The following KIAA2012 variants were observed in gnomAD, a reference collection of about 807,000 sequenced individuals.
The protein encoded by KIAA2012 is uncharacterized protein KIAA2012.
A neutral mutation model predicts 150.6 loss-of-function variants in KIAA2012; 125 were observed. That is an observed-to-expected ratio of 0.83 (90% CI 0.72 to 0.96). KIAA2012 has a LOEUF of 0.96. KIAA2012 is among the 40% of genes least tolerant of loss of function. The probability of loss-of-function intolerance (pLI) is 0.00; values close to 1 mark genes in which losing one functional copy is unlikely to be tolerated. For missense variants in KIAA2012, 1,219 were observed against 1,354.9 expected (o/e 0.90, Z 1.57); for synonymous variants, 462 against 504.7 (o/e 0.92, Z 1.13).
Position 202,073,364 on chromosome 2 carries a change from G to C in KIAA2012, c.-264G>C. 1 of 375,340 alleles carries C rather than the reference G, an allele frequency of 2.7e-6. No individual in the cohort carries two copies. The highest frequency in any genetic ancestry group is 4.9e-6 in the Non-Finnish European group (1 of 205,040). The allele number at this position is 375,340 out of a possible 1,614,324, so 23.3% of individuals were successfully genotyped here. On this transcript the variant is annotated 5_prime_UTR_variant, in exon 1 of 24. Coordinates refer to ENST00000498697, the MANE Select transcript of KIAA2012 (RefSeq NM_001277372.4). ...CTCAGGAGAAGGGGAGAGACAGGTC[G>C]CCCAGAGAGTAGACAATCCAGGGCT...
chr2:202,126,823 CA>C (rs1329953588), intron 12 of KIAA2012, among the ~76,000 whole-genome samples: 1 of 152,068 alleles, frequency 6.6e-6, no homozygotes, highest in Non-Finnish European at 1.5e-5. Flanking sequence ...GTGACTTGCC[CA>C]AGGTCACACA....
At chr2:202,177,843 C>T (rs1221115367) in intron 15 of KIAA2012, among the ~76,000 whole-genome samples, 2 of 152,174 alleles carry the variant, frequency 1.3e-5, no homozygotes, top group Non-Finnish European at 2.9e-5. Flanking sequence ...ACATTCACAC[C>T]ATAGTAGCAT....
intron 2 of KIAA2012, among the ~76,000 whole-genome samples, chr2:202,087,472 C>A (rs1689598414): frequency 7.5e-6 from 1 of 133,486 alleles, no homozygotes; most frequent in Admixed American, 8.6e-5. Context: ...AAGTTAGTGC[C>A]ACTGCACTCC....
chr2:202,147,834 G>C (rs1691332870), intron 13 of KIAA2012, among the ~76,000 whole-genome samples: 1 of 152,088 alleles, frequency 6.6e-6, no homozygotes, highest in Non-Finnish European at 1.5e-5. Flanking sequence ...GAGTTGTTCA[G>C]ATTTCCCACC....
rs1199631499 is a variant in KIAA2012 at position 202,201,356 on chromosome 2, C to T, written c.3408-1073C>T. Reference sequence around the variant, plus strand: ...TGCTGAAGGTATGTGATGTCTTTCCCGGCACAAAGGTGGCCTTGGTTCCTC... The same window carrying T: ...TGCTGAAGGTATGTGATGTCTTTCCTGGCACAAAGGTGGCCTTGGTTCCTC... On this transcript the variant is annotated intron_variant, in intron 22 of 23. Coordinates refer to ENST00000498697, the MANE Select transcript of KIAA2012 (RefSeq NM_001277372.4). The T allele has an allele frequency of 3.8e-6, 6 of 1,584,800 alleles. No individual in the cohort carries two copies. In the African/African-American group the frequency reaches 4.0e-5, roughly 11 times the overall value.
Position 202,196,906 on chromosome 2 carries a change from A to G in KIAA2012, c.3294A>G (p.Lys1098=), listed in dbSNP as rs1372552061. Residue 1098 remains lysine, a synonymous_variant, in exon 22 of 24, where the codon AAA becomes AAG. Transcript: ENST00000498697. The part of the protein sequence containing the change: ...EEERLEYQRR[K]QEAEEKARLE... ...AACGACTGGAGTACCAGCGGCGGAA[A>G]CAGGAAGCAGAAGAGAAGGCTCGGC... 2 of 1,550,636 alleles carry G rather than the reference A, an allele frequency of 1.3e-6. No individual in the cohort carries two copies. Among genetic ancestry groups the G allele is most frequent in the Admixed American group, 2.0e-5 (1 of 50,988 alleles).
intron 7 of KIAA2012, among the ~76,000 whole-genome samples, chr2:202,101,238 A>G (rs1245477772): frequency 1.3e-5 from 2 of 152,218 alleles, no homozygotes; most frequent in African/African-American, 4.8e-5. Context: ...TGTCATCTGA[A>G]GTGTTCCTGA....
chr2:202,117,271 T>C (rs1690550764), intron 11 of KIAA2012, among the ~76,000 whole-genome samples: 1 of 152,268 alleles, frequency 6.6e-6, no homozygotes, highest in Non-Finnish European at 1.5e-5. Flanking sequence ...TGTGATTTGG[T>C]TGACAGAAAG....
chr2:202,195,171 A>C (rs1692393043), intron 21 of KIAA2012, among the ~76,000 whole-genome samples: 1 of 152,084 alleles, frequency 6.6e-6, no homozygotes, highest in Non-Finnish European at 1.5e-5. Flanking sequence ...AATTGGGGTA[A>C]TTTGCATATC....
chr2:202,150,433 G>GT (rs113231731), intron 13 of KIAA2012, among the ~76,000 whole-genome samples: 5 of 147,624 alleles, frequency 3.4e-5, no homozygotes, highest in African/African-American at 9.9e-5. Context: ...TTTTTTGTTT[G>GT]TTTTTTTGTT....
chr2:202,075,626 G>A (rs1689308969), intron 2 of KIAA2012, among the ~76,000 whole-genome samples: 1 of 152,202 alleles, frequency 6.6e-6, no homozygotes. Flanking sequence ...AGCGTCTGCA[G>A]GATAAGTTAA....
intron 2 of KIAA2012, among the ~76,000 whole-genome samples, chr2:202,087,231 G>C (rs934018066): frequency 2.0e-5 from 3 of 152,066 alleles, no homozygotes; most frequent in Non-Finnish European, 4.4e-5. Flanking sequence ...AACCTTCCAG[G>C]CTGGGCATGG....
At chr2:202,186,507 G>A (rs557971974) in intron 16 of KIAA2012, among the ~76,000 whole-genome samples, 59 of 123,868 alleles carry the variant, frequency 4.8e-4, no homozygotes, top group African/African-American at 1.6e-3. Flanking sequence ...GCGAGACTCC[G>A]TCTCAAAAAA....
At chr2:202,090,959 C>T in intron 3 of KIAA2012, 30 bp downstream of exon 3, 2 of 1,517,852 alleles carry the variant, frequency 1.3e-6, no homozygotes, top group Non-Finnish European at 1.8e-6. Flanking sequence ...GGGGGCACAC[C>T]CCAAACTGCC....
At chr2:202,129,725 C>G (rs1284101178) in intron 12 of KIAA2012, among the ~76,000 whole-genome samples, 1 of 152,000 alleles carries the variant, frequency 6.6e-6, no homozygotes, top group Admixed American at 6.6e-5. Flanking sequence ...AATCTCAGCA[C>G]TTTGGGAGGC....
chr2:202,076,557 A>G (rs1403299068), intron 2 of KIAA2012, among the ~76,000 whole-genome samples: 1 of 152,242 alleles, frequency 6.6e-6, no homozygotes, highest in African/African-American at 2.4e-5. Flanking sequence ...ATAATGTTGC[A>G]TTATAGCTAA....
At chr2:202,183,978 G>A (rs758876430) in intron 15 of KIAA2012, among the ~76,000 whole-genome samples, 2 of 152,024 alleles carry the variant, frequency 1.3e-5, no homozygotes, top group Non-Finnish European at 2.9e-5. Flanking sequence ...TGTCATATCA[G>A]TTTTTCCATA....
chr2:202,146,876 T>A (rs140580660), intron 13 of KIAA2012, among the ~76,000 whole-genome samples: 2 of 152,304 alleles, frequency 1.3e-5, no homozygotes, highest in Non-Finnish European at 2.9e-5. Context: ...TTAACCTCTC[T>A]GAGGCACAGT....
At chr2:202,127,905 T>C (rs1411579360) in intron 12 of KIAA2012, among the ~76,000 whole-genome samples, 1 of 152,124 alleles carries the variant, frequency 6.6e-6, no homozygotes, top group Non-Finnish European at 1.5e-5. Flanking sequence ...GCAAACAGTC[T>C]CCAGAACTCT....
Sources: gnomAD v4.1 joint callset for allele counts (sites outside exome capture counted in the v4.1 genomes callset) on GRCh38, gnomAD v4.1.1 for gene constraint, MANE v1.5 for transcripts, NCBI Gene and HGNC (gene_info 2026-07-23, HGNC 2026-07-21) for gene names.